NOMO1: variants seen among roughly 807,000 people sequenced by gnomAD.
NOMO1 encodes nodal modulator 3.
Under a neutral mutation model 133.8 loss-of-function variants are expected in NOMO1, and 40 were observed. The observed-to-expected ratio is 0.30, with a 90% CI of 0.23 to 0.39. NOMO1 has a LOEUF of 0.39. Ranked by LOEUF, NOMO1 falls within the 10% of genes least tolerant of loss-of-function variation. The pLI is 1.00. For synonymous variants in NOMO1, 236 were observed against 570.5 expected, an observed-to-expected ratio of 0.41 and a Z score of 8.36; for missense variants, 462 against 1,419.9, an observed-to-expected ratio of 0.33 and a Z score of 10.84.
intron 9 of NOMO1, among the ~76,000 whole-genome samples, chr16:14,854,415 G>A (rs1963804303): frequency 9.1e-6 from 1 of 109,628 alleles, no homozygotes; most frequent in African/African-American, 3.4e-5. Flanking sequence ...TCTCACTGCA[G>A]CCATTGCCTC....
Position 14,857,244 on chromosome 16 carries a change from G to A in NOMO1, c.991G>A (p.Val331Ile), listed in dbSNP as rs754046569. 5.5e-5 allele frequency: 87 copies of A among 1,593,612 alleles called. No individual in the cohort carries two copies. In the African/African-American group the frequency reaches 8.4e-4, roughly 15 times the overall value. Residue 331 changes from valine (V) to isoleucine (I), a missense_variant, in exon 10 of 31, where the codon GTC becomes ATC. Transcript: ENST00000287667. ...EPVFHVMGFSVTGRVLNGPEG... is the reference protein window; with the variant it reads ...EPVFHVMGFSITGRVLNGPEG... ...CGTGTTCCACGTCATGGGATTCTCCGTCACCGGGAGGGTCTTGAACGGACC... is the reference window on the plus strand; with the variant it reads ...CGTGTTCCACGTCATGGGATTCTCCATCACCGGGAGGGTCTTGAACGGACC...
In NOMO1 at chr16:14,880,056, C is replaced by A; in HGVS notation, c.2799C>A (p.Phe933Leu). ...ACTTCAAACCCATGATGAAGGAGTT[C>A]CGGTTTGAGCCATCCTCACAGATGA... ...QYYFKPMMKE[F>L]RFEPSSQMIE... The change falls in exon 24 of 31, where the codon TTC (phenylalanine) becomes TTA (leucine). Residue 933 changes from phenylalanine (F) to leucine (L), a missense_variant. Transcript: ENST00000287667. The A allele has an allele frequency of 6.2e-7, 1 of 1,611,078 alleles. No individual in the cohort carries two copies. Among genetic ancestry groups the A allele is most frequent in the East Asian group, 2.2e-5 (1 of 44,838 alleles).
chr16:14,862,627 AG>A (rs1476915560), intron 11 of NOMO1: 1 of 234,598 alleles, frequency 4.3e-6, no homozygotes, highest in African/African-American at 2.3e-5. Flanking sequence ...CTTGCTTTTA[AG>A]GGCTAGCCCA....
In NOMO1 at chr16:14,838,289, G is replaced by A. The variant is rs1963550806; in HGVS notation, c.166-118G>A. On this transcript the variant is annotated intron_variant, in intron 1 of 30. Transcript: ENST00000287667. ...TCCCCAGTAATGCCCCGTGTTAAAA[G>A]CTGGCATATAATAGGTCCTCAGTGA... 4.3e-5 allele frequency: 43 copies of A among 994,646 alleles called. No homozygotes were observed. The South Asian group carries it at 6.6e-4, about 15-fold the overall frequency. The allele number at this position is 994,646 out of a possible 1,614,324, so 61.6% of individuals were successfully genotyped here.
At chr16:14,886,992 G>T in intron 28 of NOMO1, 130 bp downstream of exon 28, 1 of 1,306,370 alleles carries the variant, frequency 7.7e-7, no homozygotes, top group South Asian at 1.3e-5. Flanking sequence ...TGAATCAAAA[G>T]AGGTTGGGTT....
At chr16:14,850,655 C>A (rs958093518) in intron 6 of NOMO1, among the ~76,000 whole-genome samples, 12 of 151,432 alleles carry the variant, frequency 7.9e-5, no homozygotes, top group African/African-American at 2.9e-4. Flanking sequence ...TCTACTCTAT[C>A]TGTTTTATTA....
intron 27 of NOMO1, among the ~76,000 whole-genome samples, chr16:14,884,914 G>A (rs1230501578): frequency 6.6e-6 from 1 of 152,038 alleles, no homozygotes; most frequent in Non-Finnish European, 1.5e-5. Context: ...TATAACAAAA[G>A]AGGTTTCATT....
In NOMO1 at chr16:14,884,417, CA is replaced by C. The variant is rs1964291712; in HGVS notation, c.3158del (p.Gln1053ArgfsTer7). ...TGATGTAAACATCATAGTTTTCCGG[CA>C]GATTAATCAATTTGATTTAAGTGGA... ...IDDVNIIVFR[Q>X]INQFDLSGNV... On this transcript the variant is annotated frameshift_variant, in exon 27 of 31. Coordinates refer to ENST00000287667, the MANE Select transcript of NOMO1 (RefSeq NM_014287.4). LOFTEE classifies it high-confidence loss of function. 6 of 1,611,104 alleles carry C rather than the reference CA, an allele frequency of 3.7e-6. No individual in the cohort carries two copies. The highest frequency in any genetic ancestry group is 2.3e-4 in the Middle Eastern group (1 of 4,426).
chr16:14,837,121 A>C (rs1963528271), intron 1 of NOMO1, among the ~76,000 whole-genome samples: 2 of 151,950 alleles, frequency 1.3e-5, no homozygotes, highest in Admixed American at 1.3e-4. Flanking sequence ...GGCCTCAAGC[A>C]GTCCTCCTGC....
In NOMO1 at chr16:14,833,773, G is replaced by T. The variant is rs530707311; in HGVS notation, c.-79G>T. 1.0e-5 allele frequency: 5 copies of T among 496,602 alleles called. No homozygotes were observed. The highest frequency in any genetic ancestry group is 4.8e-5 in the South Asian group (1 of 21,022). The allele number at this position is 496,602 out of a possible 1,614,324, so 30.8% of individuals were successfully genotyped here. The stretch of plus-strand genomic sequence containing the variant: ...CCTGGGCTGTCAGCCGGCCTAGGAG[G>T]AGGAAGGAGCCTGCGGCGTGCAGTG... On this transcript the variant is annotated 5_prime_UTR_variant, in exon 1 of 31. Transcript: ENST00000287667.
At position 14,882,729 on chromosome 16, in the gene NOMO1, A is replaced by G. The variant is rs1257828198; in HGVS notation, c.3111+52A>G. ...CCTGGGTGTGGGTGCCTCCCTGATCAGAAGTCCTCCCGTCTCCTCTGGCTG... is the reference window on the plus strand; with the variant it reads ...CCTGGGTGTGGGTGCCTCCCTGATCGGAAGTCCTCCCGTCTCCTCTGGCTG... On this transcript the variant is annotated intron_variant, in intron 26 of 30. Transcript: ENST00000287667. The G allele has an allele frequency of 6.2e-6, 10 of 1,611,466 alleles. No individual in the cohort carries two copies. In the South Asian group the frequency reaches 1.1e-4, roughly 18 times the overall value.
In NOMO1 at chr16:14,882,740, C is replaced by T. The variant is rs1230155841; in HGVS notation, c.3111+63C>T. On this transcript the variant is annotated intron_variant, in intron 26 of 30. Coordinates refer to ENST00000287667, the MANE Select transcript of NOMO1 (RefSeq NM_014287.4). Reference sequence around the variant, plus strand: ...GTGCCTCCCTGATCAGAAGTCCTCCCGTCTCCTCTGGCTGTCTGCCTTTCA... The same window carrying T: ...GTGCCTCCCTGATCAGAAGTCCTCCTGTCTCCTCTGGCTGTCTGCCTTTCA... The T allele has an allele frequency of 1.6e-5, 26 of 1,611,208 alleles. 1 individual carries two copies. The highest frequency in any genetic ancestry group is 2.2e-4 in the Middle Eastern group (1 of 4,450).
intron 13 of NOMO1, 121 bp downstream of exon 13, chr16:14,864,847 A>C: frequency 1.3e-6 from 2 of 1,489,212 alleles, no homozygotes; most frequent in Non-Finnish European, 1.9e-6. Context: ...CGTGCGAGGG[A>C]GGCTTCTTGG....
intron 24 of NOMO1, among the ~76,000 whole-genome samples, chr16:14,880,806 T>C (rs1182396586): frequency 4.6e-5 from 7 of 151,510 alleles, no homozygotes; most frequent in Non-Finnish European, 1.0e-4. Context: ...CTGTCTCGTC[T>C]CCTAGCCACC....
At chr16:14,836,443 A>T (rs369308763) in intron 1 of NOMO1, among the ~76,000 whole-genome samples, 1 of 152,058 alleles carries the variant, frequency 6.6e-6, no homozygotes, top group Non-Finnish European at 1.5e-5. Flanking sequence ...CGACTGTTTC[A>T]TTGCAGCTCG....
rs529349481 is a variant in NOMO1, at chr16:14,850,455, T to C, written c.582+1484T>C. ...AAGTGTTCTTTAGCATATCTTTTTT[T>C]GTTTGACTGAAATAGTTTATAGTCA... On this transcript the variant is annotated intron_variant, in intron 6 of 30. Transcript: ENST00000287667. 6.0e-5 allele frequency among the ~76,000 whole-genome samples: 9 copies of C among 151,158 alleles called. 1 individual carries two copies. Among genetic ancestry groups the C allele is most frequent in the Non-Finnish European group, 1.2e-4 (8 of 67,894 alleles).
chr16:14,863,118 G>T lies in NOMO1; in HGVS notation c.1326G>T (p.Leu442Phe). 1.2e-6 allele frequency: 2 copies of T among 1,609,438 alleles called. No individual in the cohort carries two copies. The highest frequency in any genetic ancestry group is 1.3e-5 in the African/African-American group (1 of 74,484). Residue 442 changes from leucine (L) to phenylalanine (F), a missense_variant, in exon 12 of 31, where the codon TTG becomes TTT. Coordinates refer to ENST00000287667, the MANE Select transcript of NOMO1 (RefSeq NM_014287.4). ...CATCTCAAGACAAGGACAAGTCTTT[G>T]GTCACCGTGGAGACAGATGCTCATG... The part of the protein sequence containing the change: ...VLSSQDKDKS[L>F]VTVETDAHGS...
Position 14,895,893 on chromosome 16 carries a change from CA to C in NOMO1, c.*251del. 3 of 1,569,576 alleles carry C rather than the reference CA, an allele frequency of 1.9e-6. No individual in the cohort carries two copies. Among genetic ancestry groups the C allele is most frequent in the Non-Finnish European group, 2.6e-6 (3 of 1,156,134 alleles). The stretch of plus-strand genomic sequence containing the variant: ...GCTGAACAGAATTTATTTTCTGAGT[CA>C]AATATAATTTATTATTATTTTTGTC... On this transcript the variant is annotated 3_prime_UTR_variant, in exon 31 of 31. Coordinates refer to ENST00000287667, the MANE Select transcript of NOMO1 (RefSeq NM_014287.4).
Position 14,887,161 on chromosome 16 carries a change from G to A in NOMO1, c.3324+299G>A, listed in dbSNP as rs889274053. Among the ~76,000 whole-genome samples the A allele has an allele frequency of 2.8e-4, 42 of 152,074 alleles. 1 individual carries two copies. The highest frequency in any genetic ancestry group is 9.9e-4 in the African/African-American group (41 of 41,348). ...CCTTTGGGTCTTTTTTCAGGCACGTGTGCGCATGCATGTATAAATATAAAT... is the reference window on the plus strand; with the variant it reads ...CCTTTGGGTCTTTTTTCAGGCACGTATGCGCATGCATGTATAAATATAAAT... On this transcript the variant is annotated intron_variant, in intron 28 of 30. Transcript: ENST00000287667.
Sources: gnomAD v4.1 joint callset for allele counts (sites outside exome capture counted in the v4.1 genomes callset) on GRCh38, gnomAD v4.1.1 for gene constraint, MANE v1.5 for transcripts, NCBI Gene and HGNC (gene_info 2026-07-23, HGNC 2026-07-21) for gene names.